Variants in LRP4 observed in about 807,000 individuals in gnomAD.
The protein encoded by LRP4 is low-density lipoprotein receptor-related protein 4.
Under a neutral mutation model 220.3 loss-of-function variants are expected in LRP4, and 95 were observed. The observed-to-expected ratio is 0.43, with a 90% confidence interval of 0.37 to 0.51. The LOEUF is 0.51. Among genes scored for constraint, LRP4 ranks in the 20% least tolerant of loss-of-function variants. LRP4 has a pLI of 0.00. For missense variants in LRP4, 1,925 were observed against 2,567.0 expected (o/e 0.75, Z 5.40); for synonymous variants, 903 against 954.6 (o/e 0.95, Z 1.00).
intron 1 of LRP4, among the ~76,000 whole-genome samples, chr11:46,909,730 G>A (rs1017106186): frequency 2.1e-5 from 3 of 145,586 alleles, no homozygotes; most frequent in Non-Finnish European, 4.5e-5. Context: ...ATACAAGTTC[G>A]TTGAATGAAT....
chr11:46,894,992 C>T (rs1941495048), intron 11 of LRP4, among the ~76,000 whole-genome samples, 173 bp from the exon 12 acceptor site: 1 of 152,108 alleles, frequency 6.6e-6, no homozygotes. Context: ...TCCACCCCTC[C>T]CCACCCCACT....
In LRP4 at chr11:46,896,128, C is replaced by T; in HGVS notation, c.1048+82G>A. 2.5e-6 allele frequency: 4 copies of T among 1,611,030 alleles called. No individual in the cohort carries two copies. The South Asian group carries it at 4.4e-5, about 18-fold the overall frequency. The stretch of plus-strand genomic sequence containing the variant: ...AACAGCTCCCAAAGCTGCAAGAGTC[C>T]TGAGGGAGGATTCCCTTTGAACCCT... On this transcript the variant is annotated intron_variant, in intron 9 of 37. Transcript: ENST00000378623.
chr11:46,893,029 C>T lies in LRP4; in HGVS notation c.1641G>A (p.Val547=). 6.2e-7 allele frequency: 1 copy of T among 1,614,136 alleles called. No individual in the cohort carries two copies. The highest frequency in any genetic ancestry group is 1.3e-5 in the African/African-American group (1 of 75,048). The change falls in exon 13 of 38, where the codon GTG becomes GTA. Residue 547 remains valine, a synonymous_variant. Coordinates refer to ENST00000378623, the MANE Select transcript of LRP4 (RefSeq NM_002334.4). The part of the protein sequence containing the change: ...VANLDGAHRK[V]LLWQNLEKPR... ...GCTTCTCCAGGTTCTGCCACAGCAA[C>T]ACTTTCCGGTGGGCCCCATCCAGAT... is the stretch of plus-strand genomic sequence containing the variant.
intron 30 of LRP4, among the ~76,000 whole-genome samples, chr11:46,872,178 C>T (rs1940883364): frequency 6.6e-6 from 1 of 152,160 alleles, no homozygotes; most frequent in African/African-American, 2.4e-5. Context: ...ATGGCTTAAA[C>T]CCAGGAGGCG....
chr11:46,859,430 C>T (rs1353988113), intron 37 of LRP4, 115 bp from the exon 38 acceptor site: 3 of 786,532 alleles, frequency 3.8e-6, no homozygotes. Context: ...GCACAAAAAT[C>T]CCACAAACAA....
chr11:46,865,328 G>T, intron 34 of LRP4, 142 bp from the exon 35 acceptor site: 1 of 710,290 alleles, frequency 1.4e-6, no homozygotes, highest in East Asian at 2.7e-5. Context: ...GAAGCATGGA[G>T]AGGGCAACAA....
chr11:46,863,935 G>A (rs1260684760), intron 36 of LRP4, among the ~76,000 whole-genome samples: 1 of 152,136 alleles, frequency 6.6e-6, no homozygotes, highest in Non-Finnish European at 1.5e-5. Context: ...TGTAAGCTAC[G>A]TTTAAAGCAT....
intron 1 of LRP4, among the ~76,000 whole-genome samples, chr11:46,916,685 A>G (rs1592558401): frequency 6.6e-6 from 1 of 151,008 alleles, no homozygotes; most frequent in Non-Finnish European, 1.5e-5. Context: ...CTTTGTTGGT[A>G]TCCGTTTTAA....
In LRP4 at chr11:46,899,050, G is replaced by A. The variant is rs779705585; in HGVS notation, c.548-18C>T. 5 of 1,607,424 alleles carry A rather than the reference G, an allele frequency of 3.1e-6. No homozygotes were observed. In the East Asian group the frequency reaches 8.9e-5, roughly 29 times the overall value. On this transcript the variant is annotated intron_variant, in intron 5 of 37. Transcript: ENST00000378623. This position sits in a 1 kb window ranked among gnomAD's most constrained non-coding sequence, Gnocchi z 5.9. ...TGCTGAGGCTGGAGGGAAGGCAGGG[G>A]TGGGGAGGGGCACACACTCAGGCCT... is the stretch of plus-strand genomic sequence containing the variant.
At chr11:46,895,315 A>G in intron 10 of LRP4, 24 bp from the exon 11 acceptor site, 2 of 1,610,350 alleles carry the variant, frequency 1.2e-6, no homozygotes, top group Non-Finnish European at 1.7e-6. Context: ...GCAGGTCAAG[A>G]GATCTCCCTT....
intron 13 of LRP4, among the ~76,000 whole-genome samples, chr11:46,892,594 CAG>C (rs1227390958): frequency 4.9e-4 from 67 of 136,584 alleles, no homozygotes; most frequent in African/African-American, 1.8e-3. Context: ...TTTTTCGAGA[CAG>C]AGTCTTGCTC....
chr11:46,889,988 A>G lies in LRP4; in HGVS notation c.2048T>C (p.Phe683Ser). The G allele has an allele frequency of 6.2e-7, 1 of 1,613,902 alleles. No homozygotes were observed. The highest frequency in any genetic ancestry group is 1.3e-5 in the African/African-American group (1 of 74,948). The change falls in exon 15 of 38, where the codon TTC becomes TCC. Residue 683 changes from phenylalanine (F) to serine (S), a missense_variant. This residue lies in a region of LRP4 where 1,244 missense variants were observed against 1,624.9 expected (regional missense o/e 0.77). Coordinates refer to ENST00000378623, the MANE Select transcript of LRP4 (RefSeq NM_002334.4). Reference protein sequence around the residue: ...NQEIIRNKLHFPMDIHTLHPQ... With the variant: ...NQEIIRNKLHSPMDIHTLHPQ... ...GTGCAAGGTGTGGATGTCCATAGGG[A>G]AGTGGAGTTTGTTGCGAATGATTTC...
At chr11:46,892,437 A>T (rs999760013) in intron 13 of LRP4, among the ~76,000 whole-genome samples, 1 of 152,016 alleles carries the variant, frequency 6.6e-6, no homozygotes, top group Non-Finnish European at 1.5e-5. Context: ...ATTTTTTTTT[A>T]ATCACCAATT....
At chr11:46,882,093 G>T (rs989914525) in intron 19 of LRP4, among the ~76,000 whole-genome samples, 190 bp from the exon 20 acceptor site, 3 of 152,242 alleles carry the variant, frequency 2.0e-5, no homozygotes, top group Admixed American at 6.5e-5. Context: ...CTATCAAAAG[G>T]TACAGAGTCT....
In LRP4 at chr11:46,864,453, C is replaced by T. The variant is rs768773868; in HGVS notation, c.5238G>A (p.Leu1746=). The T allele has an allele frequency of 1.2e-6, 2 of 1,611,928 alleles. No individual in the cohort carries two copies. Among genetic ancestry groups the T allele is most frequent in the African/African-American group, 1.3e-5 (1 of 74,876 alleles). The change falls in exon 36 of 38, where the codon CTG becomes CTA. Residue 1746 remains leucine, a synonymous_variant. Transcript: ENST00000378623. ...LILVVIAALM[L]YRHKKSKFTD... is the part of the protein sequence containing the mutation. ...TGTAGCAAGACTGAAGTTACCTGTA[C>T]AGCATCAAAGCTGCAATCACCACCA...
intron 19 of LRP4, among the ~76,000 whole-genome samples, chr11:46,883,639 C>T (rs1396648586): frequency 1.3e-5 from 2 of 152,216 alleles, no homozygotes; most frequent in African/African-American, 4.8e-5. Context: ...TGATTTCTTA[C>T]TTCACACCTC....
chr11:46,880,060 G>A (rs549701765), intron 20 of LRP4, among the ~76,000 whole-genome samples: 47 of 152,142 alleles, frequency 3.1e-4, no homozygotes, highest in Non-Finnish European at 5.7e-4. Flanking sequence ...AGCTGAGATC[G>A]CACCATTGCA....
At chr11:46,860,112 G>A (rs1213379856) in intron 37 of LRP4, among the ~76,000 whole-genome samples, 6 of 151,754 alleles carry the variant, frequency 4.0e-5, no homozygotes. Context: ...GCGGGTGCCT[G>A]TAATCCCAGC....
chr11:46,896,262 G>A lies in LRP4; in HGVS notation c.996C>T (p.Asn332=), dbSNP rs371971585. The change falls in exon 9 of 38, where the codon AAC becomes AAT. Residue 332 remains asparagine (N), a synonymous_variant. Transcript: ENST00000378623. ...GRCIGQRKLC[N]GVNDCGDNSD... is the part of the protein sequence containing the mutation. The stretch of plus-strand genomic sequence containing the variant: ...TGTTGTCACCACAGTCGTTGACCCC[G>A]TTGCACAGCTTCCTCTGCCCAATGC... 2.9e-5 allele frequency: 47 copies of A among 1,614,042 alleles called. No homozygotes were observed. Among genetic ancestry groups the A allele is most frequent in the Middle Eastern group, 1.6e-4 (1 of 6,084 alleles).
Sources: gnomAD v4.1 joint callset for allele counts (sites outside exome capture counted in the v4.1 genomes callset) on GRCh38, gnomAD v4.1.1 for gene constraint, gnomAD v4.1.1 regional missense constraint, Gnocchi (gnomAD v3.1) non-coding constraint, MANE v1.5 for transcripts, NCBI Gene and HGNC (gene_info 2026-07-23, HGNC 2026-07-21) for gene names.